BMP6: variants seen among roughly 807,000 people sequenced by gnomAD.
BMP6 encodes bone morphogenetic protein 6.
In BMP6, 17 loss-of-function variants were observed where a neutral mutation model predicts 54.1. The ratio of observed to expected loss-of-function variants is 0.31; its 90% CI spans 0.22 to 0.47. The LOEUF (loss-of-function observed/expected upper bound fraction) is 0.47. Among genes scored for constraint, BMP6 ranks in the 20% least tolerant of loss-of-function variants. The pLI, the probability that BMP6 is intolerant of heterozygous loss-of-function variation, is 1.00. For synonymous variants in BMP6, 328 were observed against 291.2 expected, an observed-to-expected ratio of 1.13 and a Z score of -1.28; for missense variants, 720 against 690.4, an observed-to-expected ratio of 1.04 and a Z score of -0.48.
chr6:7,828,348 G>C (rs748734619), intron 1 of BMP6, among the ~76,000 whole-genome samples: 1 of 152,208 alleles, frequency 6.6e-6, no homozygotes. Flanking sequence ...GAAAGGAATG[G>C]CCCTGTTCTG....
intron 4 of BMP6, among the ~76,000 whole-genome samples, chr6:7,864,485 A>C (rs1270547171): frequency 6.6e-6 from 1 of 152,248 alleles, no homozygotes; most frequent in Non-Finnish European, 1.5e-5. Flanking sequence ...CTGGAAAACA[A>C]GTAAAATAAT....
At chr6:7,807,618 A>T (rs1484448913) in intron 1 of BMP6, among the ~76,000 whole-genome samples, 2 of 152,116 alleles carry the variant, frequency 1.3e-5, no homozygotes, top group Non-Finnish European at 2.9e-5. Context: ...GCTCCATCCC[A>T]GACCTACCAA....
intron 1 of BMP6, among the ~76,000 whole-genome samples, chr6:7,755,472 T>C (rs1757500970): frequency 6.6e-6 from 1 of 152,248 alleles, no homozygotes; most frequent in African/African-American, 2.4e-5. Context: ...ATTTCCTTCT[T>C]CTGTTCTTTG....
chr6:7,833,914 A>G (rs1397753154), intron 1 of BMP6, among the ~76,000 whole-genome samples: 1 of 152,238 alleles, frequency 6.6e-6, no homozygotes, highest in African/African-American at 2.4e-5. Flanking sequence ...GACAAGATCC[A>G]GGATAAACAA....
intron 2 of BMP6, among the ~76,000 whole-genome samples, chr6:7,857,921 T>C (rs2113272040): frequency 1.3e-5 from 2 of 152,304 alleles, no homozygotes; most frequent in East Asian, 1.9e-4. Context: ...GTTCTCATGC[T>C]GGGCGCAGCA....
At chr6:7,831,933 C>T (rs1758799682) in intron 1 of BMP6, among the ~76,000 whole-genome samples, 1 of 152,206 alleles carries the variant, frequency 6.6e-6, no homozygotes, top group Non-Finnish European at 1.5e-5. Flanking sequence ...CACGTGCATT[C>T]AACACACATT....
chr6:7,730,648 T>C (rs1267591106), intron 1 of BMP6, among the ~76,000 whole-genome samples: 1 of 152,156 alleles, frequency 6.6e-6, no homozygotes, highest in Non-Finnish European at 1.5e-5. Context: ...TGGGGTAAAA[T>C]CTGATTGCCA....
chr6:7,785,089 G>A (rs531290566), intron 1 of BMP6, among the ~76,000 whole-genome samples: 1 of 152,268 alleles, frequency 6.6e-6, no homozygotes, highest in South Asian at 2.1e-4. Flanking sequence ...GTAGCTAGAC[G>A]CAGGGGGCCC....
intron 1 of BMP6, among the ~76,000 whole-genome samples, chr6:7,833,902 A>G (rs114229531): frequency 0.021 from 3,193 of 152,310 alleles, 48 homozygotes; most frequent in Middle Eastern, 0.078. Flanking sequence ...CTGCTAAAAA[A>G]CGACAAGATC....
chr6:7,846,218 T>C (rs1396328283), intron 2 of BMP6, among the ~76,000 whole-genome samples: 3 of 151,932 alleles, frequency 2.0e-5, no homozygotes. Flanking sequence ...GAAGTGAACA[T>C]ATGGGGGAGG....
chr6:7,766,615 CT>C (rs1757692941), intron 1 of BMP6, among the ~76,000 whole-genome samples: 1 of 152,080 alleles, frequency 6.6e-6, no homozygotes, highest in Non-Finnish European at 1.5e-5. Flanking sequence ...GAGATCTTGT[CT>C]CATAAAAAAT....
At chr6:7,857,223 T>G (rs1316927392) in intron 2 of BMP6, among the ~76,000 whole-genome samples, 1 of 152,202 alleles carries the variant, frequency 6.6e-6, no homozygotes, top group Non-Finnish European at 1.5e-5. Flanking sequence ...ATTCATCAAC[T>G]CTAAAGCCAG....
chr6:7,744,300 G>A (rs1488706658), intron 1 of BMP6, among the ~76,000 whole-genome samples: 9 of 152,068 alleles, frequency 5.9e-5, no homozygotes, highest in Non-Finnish European at 1.3e-4. Context: ...CAAACATGAA[G>A]CCTTGTCTCT....
At chr6:7,784,005 G>A (rs781399272) in intron 1 of BMP6, among the ~76,000 whole-genome samples, 2 of 152,284 alleles carry the variant, frequency 1.3e-5, no homozygotes, top group Middle Eastern at 3.4e-3. Flanking sequence ...TAAAGCCATG[G>A]CCGATTTCCC....
chr6:7,823,580 A>G (rs527462232), intron 1 of BMP6, among the ~76,000 whole-genome samples: 1 of 152,378 alleles, frequency 6.6e-6, no homozygotes, highest in South Asian at 2.1e-4. Flanking sequence ...CATTTTAAGA[A>G]GATGGAATAT....
At chr6:7,782,906 C>G (rs1428742622) in intron 1 of BMP6, among the ~76,000 whole-genome samples, 1 of 151,988 alleles carries the variant, frequency 6.6e-6, no homozygotes, top group Non-Finnish European at 1.5e-5. Flanking sequence ...CTGCTGAGAT[C>G]TCGGTAATAT....
At chr6:7,767,138 C>T (rs1190988933) in intron 1 of BMP6, among the ~76,000 whole-genome samples, 1 of 151,796 alleles carries the variant, frequency 6.6e-6, no homozygotes, top group Non-Finnish European at 1.5e-5. Context: ...AGGTGCCGGC[C>T]ACCACACCCG....
At chr6:7,757,147 C>T (rs1305427225) in intron 1 of BMP6, among the ~76,000 whole-genome samples, 1 of 152,216 alleles carries the variant, frequency 6.6e-6, no homozygotes, top group African/African-American at 2.4e-5. Context: ...CCCTGGGCTG[C>T]CACGTAAACA....
chr6:7,772,781 CCCTTCT>C (rs1455642965), intron 1 of BMP6, among the ~76,000 whole-genome samples: 3 of 152,174 alleles, frequency 2.0e-5, no homozygotes, highest in African/African-American at 7.2e-5. Context: ...TGTCTCTGGA[CCCTTCT>C]ATCTAAGGTC....
Sources: gnomAD v4.1 joint callset for allele counts (sites outside exome capture counted in the v4.1 genomes callset) on GRCh38, gnomAD v4.1.1 for gene constraint, MANE v1.5 for transcripts, NCBI Gene and HGNC (gene_info 2026-07-23, HGNC 2026-07-21) for gene names.